Variants in RYR3 observed in about 807,000 individuals in gnomAD.
The protein encoded by RYR3 is ryanodine receptor 3, also known as brain ryanodine receptor-calcium release channel.
In RYR3, 207 loss-of-function variants were observed where a neutral mutation model predicts 584.3. That is an observed-to-expected ratio of 0.35 (90% CI 0.32 to 0.40). RYR3 has a LOEUF of 0.40. Among genes scored for constraint, RYR3 ranks in the 10% least tolerant of loss-of-function variants. The pLI is 1.00. For synonymous variants in RYR3, 2,416 were observed against 2,248.5 expected, an observed-to-expected ratio of 1.07 and a Z score of -2.11; for missense variants, 5,616 against 6,089.2, an observed-to-expected ratio of 0.92 and a Z score of 2.59.
chr15:33,600,812 A>G (rs181411210), intron 16 of RYR3, among the ~76,000 whole-genome samples: 1 of 152,294 alleles, frequency 6.6e-6, no homozygotes, highest in Admixed American at 6.5e-5. Context: ...CAAGCTTGCT[A>G]CGTGCAAGAC....
rs755738535 is a variant in RYR3, at chr15:33,662,465, C to T, written c.4935C>T (p.Asp1645=). The T allele has an allele frequency of 2.0e-5, 33 of 1,614,012 alleles. No homozygotes were observed. In the South Asian group the frequency reaches 2.5e-4, roughly 12 times the overall value. Residue 1645 remains aspartate, a synonymous_variant, in exon 35 of 104, where the codon GAC becomes GAT. Transcript: ENST00000634891. ...STTRNIRLFP[D]ESKRHGLPGV... is the part of the protein sequence containing the mutation. ...CCAGGAATATCCGCCTCTTCCCGGACGAGTCCAAGAGGCATGGACTGCCTG... is the reference window on the plus strand; with the variant it reads ...CCAGGAATATCCGCCTCTTCCCGGATGAGTCCAAGAGGCATGGACTGCCTG...
chr15:33,461,509 A>G (rs770225634), intron 1 of RYR3, among the ~76,000 whole-genome samples: 2 of 152,160 alleles, frequency 1.3e-5, no homozygotes, highest in Non-Finnish European at 2.9e-5. Context: ...CATTATTTTA[A>G]TTCAATGAGT....
chr15:33,730,643 A>G (rs538050485), intron 47 of RYR3, among the ~76,000 whole-genome samples: 1 of 152,348 alleles, frequency 6.6e-6, no homozygotes, highest in African/African-American at 2.4e-5. Context: ...AGGAAATGGC[A>G]ATATTTCATC....
intron 21 of RYR3, among the ~76,000 whole-genome samples, chr15:33,628,887 T>G (rs957309191): frequency 6.6e-6 from 1 of 152,202 alleles, no homozygotes; most frequent in African/African-American, 2.4e-5. Context: ...AGAACTTGTT[T>G]AATATGGTTT....
At chr15:33,629,675 T>C (rs572697029) in intron 21 of RYR3, among the ~76,000 whole-genome samples, 12 of 152,354 alleles carry the variant, frequency 7.9e-5, no homozygotes, top group Non-Finnish European at 1.5e-4. Flanking sequence ...CTGCCACATG[T>C]AGCACTGCTT....
At chr15:33,846,016 C>T (rs1001845057) in intron 93 of RYR3, among the ~76,000 whole-genome samples, 8 of 152,240 alleles carry the variant, frequency 5.3e-5, no homozygotes, top group African/African-American at 1.4e-4. Flanking sequence ...GGCACATTCC[C>T]ATGCCTGGCA....
intron 1 of RYR3, among the ~76,000 whole-genome samples, chr15:33,371,901 C>T (rs1567114129): frequency 6.6e-6 from 1 of 152,204 alleles, no homozygotes; most frequent in East Asian, 1.9e-4. Flanking sequence ...GCTGGTTCTG[C>T]TGGAACCCTT....
At chr15:33,367,290 T>C (rs1975647026) in intron 1 of RYR3, among the ~76,000 whole-genome samples, 1 of 152,216 alleles carries the variant, frequency 6.6e-6, no homozygotes, top group African/African-American at 2.4e-5. Context: ...GTGACCTCAA[T>C]CTTTATTTCC....
chr15:33,829,555 T>C (rs531884171), intron 85 of RYR3, among the ~76,000 whole-genome samples: 31 of 152,112 alleles, frequency 2.0e-4, no homozygotes, highest in African/African-American at 7.5e-4. Flanking sequence ...GAGACCATCC[T>C]GGCTAACACG....
chr15:33,858,250 G>T, intron 99 of RYR3: 1 of 234,254 alleles, frequency 4.3e-6, no homozygotes, highest in South Asian at 7.6e-5. Flanking sequence ...TGTCGCCCAG[G>T]CTGGAGTGCA....
intron 1 of RYR3, among the ~76,000 whole-genome samples, chr15:33,435,839 G>A (rs891431939): frequency 2.1e-4 from 32 of 152,328 alleles, no homozygotes; most frequent in Admixed American, 1.8e-3. Flanking sequence ...AAGAGCTACA[G>A]AACAAAGCTT....
chr15:33,769,236 T>A, intron 62 of RYR3, 64 bp downstream of exon 62: 4 of 1,168,000 alleles, frequency 3.4e-6, no homozygotes, highest in South Asian at 1.2e-5. Context: ...CTCATCTCAC[T>A]AATTATACTG....
chr15:33,820,666 C>T (rs2077056491), intron 77 of RYR3, 90 bp from the exon 78 acceptor site: 3 of 1,185,732 alleles, frequency 2.5e-6, no homozygotes, highest in African/African-American at 3.1e-5. Context: ...TGAATTACGT[C>T]CTGTCCCCTG....
rs149528307 is a variant in RYR3 at position 33,580,975 on chromosome 15, T to C, written c.1438-533T>C. Among the ~76,000 whole-genome samples the C allele has an allele frequency of 2.1e-3, 314 of 150,348 alleles. 1 individual carries two copies. The highest frequency in any genetic ancestry group is 6.9e-3 in the Middle Eastern group (2 of 290). ...TTACTGGGTGGCATAGTATTTCAAA[T>C]TAGCTAGAAAAGTGGTTGAAGATCC... On this transcript the variant is annotated intron_variant, in intron 13 of 103. Coordinates refer to ENST00000634891, the MANE Select transcript of RYR3 (RefSeq NM_001036.6).
At chr15:33,677,674 T>C (rs1015633900) in intron 38 of RYR3, among the ~76,000 whole-genome samples, 3 of 152,240 alleles carry the variant, frequency 2.0e-5, no homozygotes, top group Non-Finnish European at 4.4e-5. Flanking sequence ...TATCTGTATC[T>C]GTCTGGCTAG....
chr15:33,527,174 G>A (rs1277877018), intron 3 of RYR3, among the ~76,000 whole-genome samples: 2 of 152,126 alleles, frequency 1.3e-5, no homozygotes, highest in Non-Finnish European at 2.9e-5. Flanking sequence ...GCCAAATCCA[G>A]ACTATGGCCT....
intron 19 of RYR3, among the ~76,000 whole-genome samples, chr15:33,619,157 A>G (rs2060596660): frequency 6.6e-6 from 1 of 151,982 alleles, no homozygotes; most frequent in Non-Finnish European, 1.5e-5. Context: ...AATCTTTGAG[A>G]GCTGATGAAA....
In RYR3 at chr15:33,452,343, A is replaced by T. The variant is rs550227710; in HGVS notation, c.52-21076A>T. Among the ~76,000 whole-genome samples the T allele has an allele frequency of 5.9e-5, 9 of 152,348 alleles. 1 individual carries two copies. In the East Asian group the frequency reaches 1.7e-3, roughly 29 times the overall value. On this transcript the variant is annotated intron_variant, in intron 1 of 103. Coordinates refer to ENST00000634891, the MANE Select transcript of RYR3 (RefSeq NM_001036.6). ...TTTGGATCGGTAATCTATCAAGGAT[A>T]ATTTATATTGCTTAGATTTAAAGCA...
intron 16 of RYR3, among the ~76,000 whole-genome samples, chr15:33,593,486 T>C (rs2059232506): frequency 6.6e-6 from 1 of 152,174 alleles, no homozygotes; most frequent in African/African-American, 2.4e-5. Context: ...GAAAAATCCA[T>C]ATAGGCCACA....
Sources: allele counts gnomAD v4.1 joint callset (sites outside exome capture counted in the v4.1 genomes callset), GRCh38; gene constraint gnomAD v4.1.1; transcripts MANE v1.5; gene names NCBI Gene and HGNC (gene_info 2026-07-23, HGNC 2026-07-21).